The following MYO5B variants were observed in gnomAD, a reference collection of about 807,000 sequenced individuals.
MYO5B encodes the protein unconventional myosin-Vb.
MYO5B carries 143 observed loss-of-function variants against 229.3 expected under a neutral mutation model. The observed-to-expected ratio is 0.62, with a 90% CI of 0.54 to 0.72. The LOEUF (loss-of-function observed/expected upper bound fraction) is 0.72, where lower values mean the gene tolerates loss of function less well. Ranked by LOEUF, MYO5B falls within the 30% of genes least tolerant of loss-of-function variation. The pLI, the probability that MYO5B is intolerant of heterozygous loss-of-function variation, is 0.00. For missense variants in MYO5B, 2,321 were observed against 2,331.0 expected (o/e 1.00, Z 0.09); for synonymous variants, 918 against 885.2 (o/e 1.04, Z -0.66).
intron 14 of MYO5B, among the ~76,000 whole-genome samples, chr18:49,940,622 AC>A (rs762022299): frequency 4.9e-4 from 75 of 152,172 alleles, no homozygotes; most frequent in Admixed American, 2.1e-3. Context: ...TGCTCAGTGA[AC>A]CCCCCTCAGT....
At chr18:50,008,959 T>C (rs146094814) in intron 4 of MYO5B, among the ~76,000 whole-genome samples, 37 of 152,336 alleles carry the variant, frequency 2.4e-4, no homozygotes, top group African/African-American at 8.7e-4. Flanking sequence ...ACATAGAATT[T>C]TAAAATAATT....
chr18:50,159,827 T>C (rs2032738098), intron 1 of MYO5B, among the ~76,000 whole-genome samples: 1 of 152,178 alleles, frequency 6.6e-6, no homozygotes. Flanking sequence ...GCCACTGATA[T>C]CATGCTGCAC....
intron 1 of MYO5B, among the ~76,000 whole-genome samples, chr18:50,120,991 G>T (rs1048189467): frequency 6.6e-6 from 1 of 152,190 alleles, no homozygotes; most frequent in African/African-American, 2.4e-5. Flanking sequence ...CCGGGAGTCA[G>T]CAAGACCAGC....
At chr18:49,919,823 C>A (rs979976760) in intron 17 of MYO5B, among the ~76,000 whole-genome samples, 1 of 152,106 alleles carries the variant, frequency 6.6e-6, no homozygotes, top group Non-Finnish European at 1.5e-5. Context: ...CCAAGGTATA[C>A]CCTCAAGAGA....
At chr18:49,896,032 G>A (rs984692473) in intron 21 of MYO5B, among the ~76,000 whole-genome samples, 1 of 152,240 alleles carries the variant, frequency 6.6e-6, no homozygotes, top group Non-Finnish European at 1.5e-5. Flanking sequence ...GCTCTGGTCT[G>A]TAGGAGCGCC....
intron 14 of MYO5B, among the ~76,000 whole-genome samples, chr18:49,945,520 G>T (rs185808351): frequency 6.6e-6 from 1 of 151,792 alleles, no homozygotes; most frequent in Admixed American, 6.5e-5. Context: ...CTCTCTCCTG[G>T]ATCACTACAG....
At chr18:50,173,824 A>G (rs1213886228) in intron 1 of MYO5B, among the ~76,000 whole-genome samples, 1 of 152,184 alleles carries the variant, frequency 6.6e-6, no homozygotes, top group Non-Finnish European at 1.5e-5. Context: ...GAAAAGGCAT[A>G]CACTTTCAGA....
chr18:49,926,464 G>A (rs538645584), intron 17 of MYO5B, among the ~76,000 whole-genome samples: 16 of 152,314 alleles, frequency 1.1e-4, no homozygotes, highest in African/African-American at 3.4e-4. Flanking sequence ...TGTTAGGACA[G>A]AGGGTCCCAG....
chr18:49,953,206 C>T, intron 14 of MYO5B, 54 bp downstream of exon 14: 1 of 1,537,666 alleles, frequency 6.5e-7, no homozygotes, highest in Non-Finnish European at 9.0e-7. Flanking sequence ...CACTCCCTGT[C>T]CAGCACTGGC....
intron 1 of MYO5B, among the ~76,000 whole-genome samples, chr18:50,171,098 C>T (rs2032914644): frequency 7.8e-6 from 1 of 127,586 alleles, no homozygotes; most frequent in Non-Finnish European, 1.7e-5. Context: ...TACTTGGCCG[C>T]CAGTCTCATG....
At chr18:50,073,902 A>T (rs3898016) in intron 1 of MYO5B, among the ~76,000 whole-genome samples, 1 of 152,004 alleles carries the variant, frequency 6.6e-6, no homozygotes, top group Non-Finnish European at 1.5e-5. Flanking sequence ...TCACTCTACT[A>T]CCAACAGGTA....
chr18:50,025,225 C>G lies in MYO5B; in HGVS notation c.455+11625G>C, dbSNP rs369972743. 2.0e-5 allele frequency among the ~76,000 whole-genome samples: 3 copies of G among 152,356 alleles called. No individual in the cohort carries two copies. The East Asian group carries it at 5.8e-4, about 29-fold the overall frequency. The stretch of plus-strand genomic sequence containing the variant: ...ACAATCTCTCCTTGATTGACATCAT[C>G]CATTCCCAAGGCTTTAAGTACCATC... On this transcript the variant is annotated intron_variant, in intron 4 of 39. Transcript: ENST00000285039.
At chr18:49,974,138 G>C (rs1331455769) in intron 10 of MYO5B, among the ~76,000 whole-genome samples, 1 of 152,142 alleles carries the variant, frequency 6.6e-6, no homozygotes, top group African/African-American at 2.4e-5. Context: ...TTCTTGCTTG[G>C]GGACTGTTCC....
chr18:49,861,369 G>T (rs541061498), intron 29 of MYO5B, among the ~76,000 whole-genome samples: 14 of 152,266 alleles, frequency 9.2e-5, no homozygotes, highest in African/African-American at 3.1e-4. Context: ...AATGGTGACG[G>T]CTCTGAAGAT....
intron 3 of MYO5B, among the ~76,000 whole-genome samples, chr18:50,039,562 A>T (rs894681995): frequency 1.3e-5 from 2 of 152,008 alleles, no homozygotes; most frequent in African/African-American, 2.4e-5. Context: ...CAATCTCCTG[A>T]CCTCGTGATC....
At chr18:49,931,145 G>T (rs1222956831) in intron 16 of MYO5B, among the ~76,000 whole-genome samples, 1 of 152,190 alleles carries the variant, frequency 6.6e-6, no homozygotes, top group Non-Finnish European at 1.5e-5. Flanking sequence ...TCTGGGACAT[G>T]GTGCTTGATA....
chr18:50,001,181 CT>C, intron 5 of MYO5B, 73 bp downstream of exon 5: 1 of 1,598,046 alleles, frequency 6.3e-7, no homozygotes, highest in Non-Finnish European at 8.6e-7. Flanking sequence ...GCCACCCAGG[CT>C]TGACGCCCAG....
intron 1 of MYO5B, among the ~76,000 whole-genome samples, chr18:50,107,661 T>C (rs2031787151): frequency 6.6e-6 from 1 of 152,212 alleles, no homozygotes; most frequent in Non-Finnish European, 1.5e-5. Flanking sequence ...CCGGTTTTCA[T>C]GCCACACAGC....
chr18:50,016,899 CCTAA>C (rs1185478179), intron 4 of MYO5B, among the ~76,000 whole-genome samples: 30 of 151,520 alleles, frequency 2.0e-4, no homozygotes, highest in African/African-American at 6.3e-4. Context: ...CTACCCCATC[CCTAA>C]CTAACCCCTA....
Sources: allele counts gnomAD v4.1 joint callset (sites outside exome capture counted in the v4.1 genomes callset), GRCh38; gene constraint gnomAD v4.1.1; transcripts MANE v1.5; gene names NCBI Gene and HGNC (gene_info 2026-07-23, HGNC 2026-07-21).